The following ZNF341 variants were observed in gnomAD, a reference collection of about 807,000 sequenced individuals.
The protein encoded by ZNF341 is zinc finger protein 341.
In ZNF341, 52 loss-of-function variants were observed where a neutral mutation model predicts 87.7. That is an observed-to-expected ratio of 0.59 (90% CI 0.47 to 0.75). The LOEUF is 0.75. Among genes scored for constraint, ZNF341 ranks in the 30% least tolerant of loss-of-function variants. ZNF341 has a pLI of 0.00. For synonymous variants in ZNF341, 459 were observed against 472.7 expected (o/e 0.97, Z 0.38); for missense variants, 977 against 1,145.9 (o/e 0.85, Z 2.13).
chr20:33,780,942 A>G (rs747503063), intron 10 of ZNF341, among the ~76,000 whole-genome samples: 11 of 152,114 alleles, frequency 7.2e-5, no homozygotes, highest in Non-Finnish European at 1.6e-4. Context: ...TCCTGGTCTC[A>G]AACAATCCTC....
At position 33,737,706 on chromosome 20, in the gene ZNF341, A is replaced by G. The variant is rs145147036; in HGVS notation, c.32-3196A>G. 4.4e-4 allele frequency among the ~76,000 whole-genome samples: 67 copies of G among 152,260 alleles called. No individual in the cohort carries two copies. The East Asian group carries it at 0.012, about 27-fold the overall frequency. On this transcript the variant is annotated intron_variant, in intron 1 of 14. Coordinates refer to ENST00000375200, the MANE Select transcript of ZNF341 (RefSeq NM_001282933.2). ...TGGAGGTGCAATCATAGAGTTGTGG[A>G]AAATGGTCCTCCTACATGCAGAGTC...
chr20:33,765,939 A>G (rs984204859), intron 8 of ZNF341, among the ~76,000 whole-genome samples: 2 of 151,792 alleles, frequency 1.3e-5, no homozygotes, highest in African/African-American at 2.4e-5. Flanking sequence ...CTGGAGTGCA[A>G]TGGCGCAATA....
At chr20:33,744,906 G>A (rs938769039) in intron 2 of ZNF341, among the ~76,000 whole-genome samples, 197 bp from the exon 3 acceptor site, 1 of 152,036 alleles carries the variant, frequency 6.6e-6, no homozygotes, top group Non-Finnish European at 1.5e-5. Context: ...GTGTGGCTTC[G>A]AAAACTCCCA....
intron 11 of ZNF341, among the ~76,000 whole-genome samples, chr20:33,782,707 A>G (rs763075344): frequency 1.3e-5 from 2 of 152,218 alleles, no homozygotes; most frequent in Non-Finnish European, 2.9e-5. Context: ...CTAGCTGGGA[A>G]ACGATGGGGC....
At chr20:33,776,284 G>A (rs1023824349) in intron 10 of ZNF341, among the ~76,000 whole-genome samples, 6 of 151,756 alleles carry the variant, frequency 4.0e-5, no homozygotes, top group Non-Finnish European at 7.4e-5. Flanking sequence ...GTAGAAACAG[G>A]GTTTCGCCAT....
intron 12 of ZNF341, among the ~76,000 whole-genome samples, chr20:33,786,837 A>T (rs1281604532): frequency 6.6e-6 from 1 of 151,876 alleles, no homozygotes; most frequent in African/African-American, 2.4e-5. Flanking sequence ...GTGTGGTGGT[A>T]CGCACCTGTG....
At chr20:33,746,846 A>G (rs2018936199) in intron 3 of ZNF341, among the ~76,000 whole-genome samples, 1 of 151,906 alleles carries the variant, frequency 6.6e-6, no homozygotes, top group Admixed American at 6.6e-5. Flanking sequence ...GTCACAGAGG[A>G]CTCCTGATTT....
At chr20:33,762,164 T>A in intron 8 of ZNF341, 109 bp downstream of exon 8, 2 of 937,220 alleles carry the variant, frequency 2.1e-6, no homozygotes, top group Non-Finnish European at 3.1e-6. Context: ...TCTCTGGGCT[T>A]CAATCTACCT....
chr20:33,736,990 A>C (rs1337966549), intron 1 of ZNF341, among the ~76,000 whole-genome samples: 1 of 152,130 alleles, frequency 6.6e-6, no homozygotes, highest in African/African-American at 2.4e-5. Flanking sequence ...TGGCCAGGAG[A>C]AGAGAGTAAA....
chr20:33,760,942 G>A (rs1432678455), intron 7 of ZNF341, among the ~76,000 whole-genome samples: 3 of 151,814 alleles, frequency 2.0e-5, no homozygotes, highest in East Asian at 1.9e-4. Flanking sequence ...TATGATAAGT[G>A]GTTTTCCACA....
rs1368436447 is a variant in ZNF341, at chr20:33,732,338, C to T, written c.31+286C>T. ...GCCTTGGGCGGGCGCGGGAGGGGCT[C>T]CCTGCAGGGAACTGCGCGGGAGGCG... On this transcript the variant is annotated intron_variant, in intron 1 of 14. Coordinates refer to ENST00000375200, the MANE Select transcript of ZNF341 (RefSeq NM_001282933.2). The surrounding 1 kb of genome is among the most constrained non-coding windows in gnomAD (Gnocchi z 4.5). Among the ~76,000 whole-genome samples the T allele has an allele frequency of 6.6e-6, 1 of 150,596 alleles. No homozygotes were observed. The highest frequency in any genetic ancestry group is 1.5e-5 in the Non-Finnish European group (1 of 67,510).
intron 9 of ZNF341, among the ~76,000 whole-genome samples, chr20:33,767,829 G>A (rs1051888258): frequency 2.0e-5 from 3 of 152,116 alleles, no homozygotes; most frequent in Non-Finnish European, 4.4e-5. Context: ...AGTAGGCAGC[G>A]TTGGGCTTAT....
chr20:33,772,297 G>T (rs1380961138), intron 10 of ZNF341, among the ~76,000 whole-genome samples: 1 of 152,152 alleles, frequency 6.6e-6, no homozygotes, highest in Non-Finnish European at 1.5e-5. Flanking sequence ...AGTGGTGTTT[G>T]TGTGGGGCCT....
chr20:33,741,530 C>T (rs1256337220), intron 2 of ZNF341, among the ~76,000 whole-genome samples: 3 of 151,848 alleles, frequency 2.0e-5, no homozygotes, highest in African/African-American at 7.3e-5. Context: ...CAGCCTCCTG[C>T]GTAGCTGGGA....
chr20:33,783,552 G>A (rs886652585), intron 11 of ZNF341, among the ~76,000 whole-genome samples, 180 bp from the exon 12 acceptor site: 7 of 152,094 alleles, frequency 4.6e-5, no homozygotes, highest in East Asian at 3.8e-4. Context: ...TGTTTTGTCC[G>A]GGCTTGTGGG....
Position 33,732,032 on chromosome 20 carries a change from C to A in ZNF341, c.11C>A (p.Ala4Glu). Residue 4 changes from alanine (A) to glutamate (E), a missense_variant, in exon 1 of 15, where the codon GCG (alanine) becomes GAG (glutamate). Physicochemically the swap from Ala to Glu is moderately radical, Grantham distance 107. Coordinates refer to ENST00000375200, the MANE Select transcript of ZNF341 (RefSeq NM_001282933.2). The surrounding 1 kb of genome is among the most constrained non-coding windows in gnomAD (Gnocchi z 4.5). Reference sequence around the variant, plus strand: ...GGCGGCGGCTCCAAGATGGCGCAGGCGATCTTTGAGGCCCTGGAGGGTGAG... The same window carrying A: ...GGCGGCGGCTCCAAGATGGCGCAGGAGATCTTTGAGGCCCTGGAGGGTGAG... MAQ[A>E]IFEALEGMDN... 2 of 1,409,338 alleles carry A rather than the reference C, an allele frequency of 1.4e-6. No homozygotes were observed. Among genetic ancestry groups the A allele is most frequent in the South Asian group, 1.5e-5 (1 of 68,586 alleles). 87.3% of individuals were successfully genotyped at this position (1,409,338 alleles called of 1,614,324 possible). A position where few individuals can be genotyped will look rare whatever the true frequency, so the allele number is the denominator to read the frequency against.
intron 10 of ZNF341, among the ~76,000 whole-genome samples, chr20:33,771,703 C>T (rs951412604): frequency 8.6e-5 from 13 of 151,932 alleles, no homozygotes; most frequent in African/African-American, 2.9e-4. Context: ...AGTTTTGCAA[C>T]ATGCTTTTTA....
At position 33,765,222 on chromosome 20, in the gene ZNF341, G is replaced by T. The variant is rs969908568; in HGVS notation, c.1223-1629G>T. On this transcript the variant is annotated intron_variant, in intron 8 of 14. Transcript: ENST00000375200. ...CTAAGCCATTCCCATGTAGACCCAAGGGTGAGCAATGCCAGGCACATGCTA... is the reference window on the plus strand; with the variant it reads ...CTAAGCCATTCCCATGTAGACCCAATGGTGAGCAATGCCAGGCACATGCTA... Among the ~76,000 whole-genome samples the T allele has an allele frequency of 5.9e-5, 9 of 152,102 alleles. No individual in the cohort carries two copies. In the South Asian group the frequency reaches 1.7e-3, roughly 28 times the overall value.
At chr20:33,789,009 C>T (rs755218867) in intron 13 of ZNF341, 35 bp downstream of exon 13, 5 of 1,505,128 alleles carry the variant, frequency 3.3e-6, no homozygotes, top group South Asian at 2.3e-5. Flanking sequence ...GGGTGGGTAG[C>T]GGGACAGATT....
Sources: gnomAD v4.1 joint callset for allele counts (sites outside exome capture counted in the v4.1 genomes callset) on GRCh38, gnomAD v4.1.1 for gene constraint, Gnocchi (gnomAD v3.1) non-coding constraint, MANE v1.5 for transcripts, NCBI Gene and HGNC (gene_info 2026-07-23, HGNC 2026-07-21) for gene names.